EP400: variants seen among roughly 807,000 people sequenced by gnomAD.
EP400 encodes the protein E1A binding protein p400, also known as E1A-binding protein p400.
In EP400, 105 loss-of-function variants were observed where a neutral mutation model predicts 354.1. The observed-to-expected ratio is 0.30, with a 90% CI of 0.25 to 0.35. The LOEUF is 0.35. EP400 is among the 10% of genes least tolerant of loss of function. The pLI is 1.00. For synonymous variants in EP400, 1,646 were observed against 1,716.9 expected (o/e 0.96, Z 1.02); for missense variants, 3,280 against 4,121.0 (o/e 0.80, Z 5.59).
rs145021676 is a variant in EP400, at chr12:132,062,214, G to A, written c.7989G>A (p.Thr2663=). 35 of 1,614,056 alleles carry A rather than the reference G, an allele frequency of 2.2e-5. No homozygotes were observed. The African/African-American group carries it at 3.1e-4, about 14-fold the overall frequency. Residue 2663 remains threonine, a synonymous_variant, in exon 46 of 53, where the codon ACG becomes ACA. Transcript: ENST00000389561. The stretch of plus-strand genomic sequence containing the variant: ...CCCCTGACCTGGTGTCCATGGCAAC[G>A]ACTCAGGGTGTTCGAGCGGTCACTT... The part of the protein sequence containing the change: ...TATPDLVSMA[T]TQGVRAVTSV...
chr12:132,044,989 G>T (rs745942565), intron 37 of EP400, 36 bp downstream of exon 37: 39 of 1,607,766 alleles, frequency 2.4e-5, no homozygotes, highest in Non-Finnish European at 3.0e-5. Context: ...ACCTGGGGGG[G>T]CCCTGGCCTG....
chr12:132,039,526 C>T lies in EP400; in HGVS notation c.6207+1430C>T, dbSNP rs527375570. ...TATTCCTGAGGGATCCACCCGTGAC[C>T]CAAACCTTTGAGAATTTATAATGAA... On this transcript the variant is annotated intron_variant, in intron 32 of 52. Transcript: ENST00000389561. Among the ~76,000 whole-genome samples, 9 of 152,280 alleles carry T rather than the reference C, an allele frequency of 5.9e-5. No homozygotes were observed. In the East Asian group the frequency reaches 1.7e-3, roughly 29 times the overall value.
intron 23 of EP400, among the ~76,000 whole-genome samples, chr12:132,022,842 A>G (rs970359273): frequency 1.3e-4 from 20 of 151,982 alleles, no homozygotes; most frequent in African/African-American, 4.6e-4. Context: ...TGGGAGGCTG[A>G]GGTGGGAGGA....
intron 45 of EP400, among the ~76,000 whole-genome samples, chr12:132,056,661 G>A (rs1201778908): frequency 6.6e-6 from 1 of 152,190 alleles, no homozygotes; most frequent in African/African-American, 2.4e-5. Context: ...GCATTTCTAG[G>A]AGAAAATCTG....
chr12:131,954,461 G>A (rs937546651), intron 1 of EP400, among the ~76,000 whole-genome samples: 1 of 151,450 alleles, frequency 6.6e-6, no homozygotes, highest in Non-Finnish European at 1.5e-5. Flanking sequence ...GCAGTGGCTC[G>A]TGCCTGTAAT....
chr12:132,071,239 C>T (rs1352939523), intron 51 of EP400, among the ~76,000 whole-genome samples: 1 of 151,938 alleles, frequency 6.6e-6, no homozygotes, highest in African/African-American at 2.4e-5. Flanking sequence ...CCCTCCCTCC[C>T]TTACACATCT....
intron 16 of EP400, among the ~76,000 whole-genome samples, chr12:132,012,387 A>G (rs928551113): frequency 1.3e-5 from 2 of 152,204 alleles, no homozygotes; most frequent in African/African-American, 4.8e-5. Context: ...CGCTTCCCAG[A>G]TGGGGCCTTG....
In EP400 at chr12:132,021,194, G is replaced by C; in HGVS notation, c.4563G>C (p.Gln1521His). ...SPAHPAKLRA[Q>H]TTAQASTPGQ... is the part of the protein sequence containing the mutation. ...CCCATCCTGCGAAACTGCGGGCCCA[G>C]ACCACAGCACAGGCCTCCACCCCAG... is the stretch of plus-strand genomic sequence containing the variant. The change falls in exon 23 of 53, where the codon CAG becomes CAC. Residue 1521 changes from glutamine (Q) to histidine (H), a missense_variant. Coordinates refer to ENST00000389561, the MANE Select transcript of EP400 (RefSeq NM_015409.5). 3 of 1,600,728 alleles carry C rather than the reference G, an allele frequency of 1.9e-6. No homozygotes were observed. The highest frequency in any genetic ancestry group is 1.7e-6 in the Non-Finnish European group (2 of 1,179,536).
At chr12:132,026,154 G>T (rs1039365765) in intron 25 of EP400, among the ~76,000 whole-genome samples, 11 of 152,172 alleles carry the variant, frequency 7.2e-5, no homozygotes, top group African/African-American at 2.4e-4. Flanking sequence ...CCCACGCAGG[G>T]TCTGGTTCTT....
At chr12:131,952,815 T>G (rs1182610839) in intron 1 of EP400, among the ~76,000 whole-genome samples, 3 of 152,194 alleles carry the variant, frequency 2.0e-5, no homozygotes, top group Non-Finnish European at 4.4e-5. Context: ...TGTTGCCCGC[T>G]GATGGACCAT....
chr12:132,061,189 G>C (rs181615665), intron 45 of EP400, among the ~76,000 whole-genome samples: 37 of 152,182 alleles, frequency 2.4e-4, no homozygotes, highest in African/African-American at 8.9e-4. Context: ...GGAAAAGCAT[G>C]GAGTATTTAG....
At chr12:131,992,306 G>A in intron 11 of EP400, 76 bp downstream of exon 11, 2 of 1,384,626 alleles carry the variant, frequency 1.4e-6, no homozygotes, top group Admixed American at 2.0e-5. Flanking sequence ...AGCGACTTGG[G>A]GTTTAGTCTT....
intron 51 of EP400, chr12:132,076,277 C>A: frequency 1.0e-5 from 6 of 576,382 alleles, no homozygotes; most frequent in Middle Eastern, 2.7e-4. Flanking sequence ...AAATATGAGA[C>A]CAAAAATAAG....
chr12:131,990,576 A>G lies in EP400; in HGVS notation c.2551-60A>G. The G allele has an allele frequency of 1.6e-6, 2 of 1,281,192 alleles. No individual in the cohort carries two copies. Among genetic ancestry groups the G allele is most frequent in the Non-Finnish European group, 2.2e-6 (2 of 897,952 alleles). 79.4% of individuals were successfully genotyped at this position (1,281,192 alleles called of 1,614,324 possible). A position where few individuals can be genotyped will look rare whatever the true frequency, so the allele number is the denominator to read the frequency against. On this transcript the variant is annotated intron_variant, in intron 8 of 52. Coordinates refer to ENST00000389561, the MANE Select transcript of EP400 (RefSeq NM_015409.5). This position sits in a 1 kb window ranked among gnomAD's most constrained non-coding sequence, Gnocchi z 4.2. ...TTATGTGCTTTAGTGTTTTGTATGCAGAACGTCTGTAATTCCCATCCTTAG... is the reference window on the plus strand; with the variant it reads ...TTATGTGCTTTAGTGTTTTGTATGCGGAACGTCTGTAATTCCCATCCTTAG...
chr12:132,044,399 C>T, intron 35 of EP400, 88 bp downstream of exon 35: 3 of 1,496,558 alleles, frequency 2.0e-6, no homozygotes, highest in South Asian at 2.6e-5. Flanking sequence ...AGTCTGTGTA[C>T]ATTGACATGA....
intron 29 of EP400, 89 bp downstream of exon 29, chr12:132,030,247 C>T: frequency 7.0e-7 from 1 of 1,436,712 alleles, no homozygotes; most frequent in Non-Finnish European, 9.5e-7. Flanking sequence ...GGTCTCATGG[C>T]CCTTCTAAGT....
At chr12:131,968,031 A>G (rs755566079) in intron 2 of EP400, among the ~76,000 whole-genome samples, 9 of 151,918 alleles carry the variant, frequency 5.9e-5, no homozygotes, top group Non-Finnish European at 1.3e-4. Context: ...TTTTGCAAGT[A>G]TTTTTTCCTG....
At chr12:132,036,222 C>T (rs116460915) in intron 30 of EP400, among the ~76,000 whole-genome samples, 2,240 of 145,448 alleles carry the variant, frequency 0.015, 55 homozygotes, top group African/African-American at 0.054. Context: ...CAGGTTCACG[C>T]GGAACGTCAT....
At position 132,054,028 on chromosome 12, in the gene EP400, C is replaced by T. The variant is rs1895399745; in HGVS notation, c.7728+431C>T. Among the ~76,000 whole-genome samples the T allele has an allele frequency of 6.6e-6, 1 of 152,208 alleles. No homozygotes were observed. Among genetic ancestry groups the T allele is most frequent in the Admixed American group, 6.5e-5 (1 of 15,284 alleles). On this transcript the variant is annotated intron_variant, in intron 43 of 52. Coordinates refer to ENST00000389561, the MANE Select transcript of EP400 (RefSeq NM_015409.5). The surrounding 1 kb of genome is among the most constrained non-coding windows in gnomAD (Gnocchi z 4.0). ...CCCCCACACAGGTCAGTCTTTAATGCCTGTTGTAGAAAAGCTGTAAAGCAC... is the reference window on the plus strand; with the variant it reads ...CCCCCACACAGGTCAGTCTTTAATGTCTGTTGTAGAAAAGCTGTAAAGCAC...
Sources: gnomAD v4.1 joint callset for allele counts (sites outside exome capture counted in the v4.1 genomes callset) on GRCh38, gnomAD v4.1.1 for gene constraint, Gnocchi (gnomAD v3.1) non-coding constraint, MANE v1.5 for transcripts, NCBI Gene and HGNC (gene_info 2026-07-23, HGNC 2026-07-21) for gene names.